Variants in XKR9 observed in about 807,000 individuals in gnomAD.
XKR9 encodes XK related 9.
Under a neutral mutation model 32.0 loss-of-function variants are expected in XKR9, and 32 were observed. The observed-to-expected ratio is 1.00, with a 90% CI of 0.76 to 1.34. The LOEUF (loss-of-function observed/expected upper bound fraction) is 1.34. Among genes scored for constraint, XKR9 ranks in the 40% most tolerant of loss-of-function variants. The pLI is 0.00. For synonymous variants in XKR9, 168 were observed against 143.4 expected (o/e 1.17, Z -1.22); for missense variants, 546 against 429.7 (o/e 1.27, Z -2.39).
chr8:71,058,695 C>G, the XKR9 span, among the ~76,000 whole-genome samples: 1 of 152,172 alleles, frequency 6.6e-6, no homozygotes, highest in Non-Finnish European at 1.5e-5. Context: ...CTATCAAAAA[C>G]TGAAGATGAA....
chr8:70,762,048 T>C (rs1290916537), intron 2 of XKR9, among the ~76,000 whole-genome samples: 1 of 152,166 alleles, frequency 6.6e-6, no homozygotes, highest in African/African-American at 2.4e-5. Flanking sequence ...TTCTGTTCCA[T>C]TGGTCTACGT....
the XKR9 span, among the ~76,000 whole-genome samples, chr8:70,928,109 T>G: frequency 6.6e-6 from 1 of 152,318 alleles, no homozygotes. Context: ...GTAGAGTAAT[T>G]GCAGCTCACT....
At chr8:70,981,757 C>T in the XKR9 span, among the ~76,000 whole-genome samples, 27 of 152,244 alleles carry the variant, frequency 1.8e-4, no homozygotes, top group African/African-American at 4.8e-4. Context: ...GGTTCCTTCT[C>T]GTTTGTGTAG....
chr8:70,702,173 T>G (rs1331428759), intron 3 of XKR9, among the ~76,000 whole-genome samples: 1 of 152,164 alleles, frequency 6.6e-6, no homozygotes, highest in Non-Finnish European at 1.5e-5. Flanking sequence ...TTCAAATTTA[T>G]TAGGGTTCAA....
At chr8:70,853,505 TA>T in the XKR9 span, among the ~76,000 whole-genome samples, 8 of 148,858 alleles carry the variant, frequency 5.4e-5, no homozygotes, top group South Asian at 4.3e-4. Context: ...TCATAAAAAC[TA>T]AAAAAAAACC....
At chr8:70,881,118 T>C in the XKR9 span, among the ~76,000 whole-genome samples, 1 of 152,090 alleles carries the variant, frequency 6.6e-6, no homozygotes, top group African/African-American at 2.4e-5. Context: ...CAAAAATTAA[T>C]TCAAGATGGA....
At chr8:70,936,453 T>G in the XKR9 span, among the ~76,000 whole-genome samples, 1 of 152,068 alleles carries the variant, frequency 6.6e-6, no homozygotes. Context: ...AATAAGAGAT[T>G]GAGTTAATTT....
the XKR9 span, among the ~76,000 whole-genome samples, chr8:71,050,245 A>C: frequency 3.2e-5 from 4 of 124,404 alleles, no homozygotes; most frequent in African/African-American, 1.5e-4. Context: ...AGATATATAT[A>C]TATATATATA....
intron 4 of XKR9, among the ~76,000 whole-genome samples, chr8:70,721,671 T>G (rs1806286121): frequency 1.3e-5 from 2 of 152,176 alleles, no homozygotes; most frequent in Admixed American, 6.5e-5. Flanking sequence ...GAGAGACTGT[T>G]TGTTATGATT....
At chr8:70,750,218 A>C (rs1807119412) in intron 2 of XKR9, among the ~76,000 whole-genome samples, 1 of 152,198 alleles carries the variant, frequency 6.6e-6, no homozygotes, top group Non-Finnish European at 1.5e-5. Context: ...ATATGAGGTC[A>C]TATAAATTAG....
chr8:71,031,365 G>A, the XKR9 span, among the ~76,000 whole-genome samples: 1 of 152,002 alleles, frequency 6.6e-6, no homozygotes, highest in Non-Finnish European at 1.5e-5. Context: ...AAAATATATG[G>A]ACTTTATTAA....
At chr8:70,732,168 A>G (rs146083313) in intron 4 of XKR9, among the ~76,000 whole-genome samples, 1 of 152,310 alleles carries the variant, frequency 6.6e-6, no homozygotes, top group Non-Finnish European at 1.5e-5. Context: ...ATACCCCACA[A>G]TGGGGCTGTG....
At chr8:70,893,928 G>C in the XKR9 span, among the ~76,000 whole-genome samples, 5 of 152,026 alleles carry the variant, frequency 3.3e-5, no homozygotes, top group South Asian at 2.1e-4. Flanking sequence ...TTCACTCTCT[G>C]TGGCAGGGTT....
the XKR9 span, among the ~76,000 whole-genome samples, chr8:70,891,098 T>G: frequency 1.3e-5 from 2 of 151,990 alleles, no homozygotes; most frequent in Non-Finnish European, 2.9e-5. Context: ...TCTGGAATAA[T>G]CTCTAATGAG....
At chr8:71,001,569 A>C in the XKR9 span, among the ~76,000 whole-genome samples, 1 of 152,130 alleles carries the variant, frequency 6.6e-6, no homozygotes, top group South Asian at 2.1e-4. Flanking sequence ...TAATTTTTCT[A>C]AGCCTTAATT....
the XKR9 span, among the ~76,000 whole-genome samples, chr8:70,868,080 A>G: frequency 6.6e-6 from 1 of 152,164 alleles, no homozygotes; most frequent in African/African-American, 2.4e-5. Context: ...CATGGCCTTG[A>G]GCAGCTCCAC....
chr8:70,833,313 C>G, the XKR9 span, among the ~76,000 whole-genome samples: 1 of 152,118 alleles, frequency 6.6e-6, no homozygotes, highest in Non-Finnish European at 1.5e-5. Flanking sequence ...GAACAAATAA[C>G]AAAATGTCAT....
At chr8:70,790,001 G>C (rs1807743789) in intron 3 of XKR9, 1 of 150,506 alleles carries the variant, frequency 6.6e-6, no homozygotes, top group African/African-American at 2.4e-5. Flanking sequence ...GATAAGAACA[G>C]CTATACTCAC....
the XKR9 span, among the ~76,000 whole-genome samples, chr8:70,982,202 G>A: frequency 1.3e-5 from 2 of 152,196 alleles, no homozygotes; most frequent in African/African-American, 2.4e-5. Flanking sequence ...GGGATGCCTC[G>A]TTAAGTATTC....
Sources: gnomAD v4.1 joint callset for allele counts (sites outside exome capture counted in the v4.1 genomes callset) on GRCh38, gnomAD v4.1.1 for gene constraint, MANE v1.5 for transcripts, NCBI Gene and HGNC (gene_info 2026-07-23, HGNC 2026-07-21) for gene names.